PAX8: variants seen among roughly 807,000 people sequenced by gnomAD.
PAX8 encodes the protein paired box protein Pax-8.
A neutral mutation model predicts 52.4 loss-of-function variants in PAX8; 15 were observed. The ratio of observed to expected loss-of-function variants is 0.29; its 90% CI spans 0.19 to 0.44. The LOEUF (loss-of-function observed/expected upper bound fraction) is 0.44. Among genes scored for constraint, PAX8 ranks in the 20% least tolerant of loss-of-function variants. The pLI is 1.00. For synonymous variants in PAX8, 284 were observed against 249.7 expected (o/e 1.14, Z -1.29); for missense variants, 554 against 602.5 (o/e 0.92, Z 0.84).
At position 113,227,246 on chromosome 2, in the gene PAX8, C is replaced by G; in HGVS notation, c.1098G>C (p.Met366Ile). 1 of 1,609,016 alleles carries G rather than the reference C, an allele frequency of 6.2e-7. No homozygotes were observed. Among genetic ancestry groups the G allele is most frequent in the African/African-American group, 1.3e-5 (1 of 74,988 alleles). ...TGQALLSGRE[M>I]VGPTLPGYPP... ...GGTATCCGGGCAGCGTGGGCCCCAC[C>G]ATCTCTCGCCCTGGAAAAATACAGC... Residue 366 changes from methionine (M) to isoleucine (I), a missense_variant, in exon 10 of 12, where the codon ATG becomes ATC. Transcript: ENST00000429538.
chr2:113,250,802 A>G (rs1030882774), intron 2 of PAX8: 1 of 152,276 alleles, frequency 6.6e-6, no homozygotes, highest in Non-Finnish European at 1.5e-5. Context: ...TGAACAAGAC[A>G]AGAATCCTGG....
At position 113,226,914 on chromosome 2, in the gene PAX8, A is replaced by C; in HGVS notation, c.1189+241T>G. The C allele has an allele frequency of 5.7e-6, 8 of 1,406,914 alleles. No homozygotes were observed. In the South Asian group the frequency reaches 1.1e-4, roughly 20 times the overall value. 87.2% of individuals were successfully genotyped at this position (1,406,914 alleles called of 1,614,324 possible). ...CTCAGCCCCTCCCTTTTCATCATGGAGGGTAATGTAGCAGGCCTGGGAAGA... is the reference window on the plus strand; with the variant it reads ...CTCAGCCCCTCCCTTTTCATCATGGCGGGTAATGTAGCAGGCCTGGGAAGA... On this transcript the variant is annotated intron_variant, in intron 10 of 11. Coordinates refer to ENST00000429538, the MANE Select transcript of PAX8 (RefSeq NM_003466.4).
rs539430071 is a variant in PAX8 at position 113,278,308 on chromosome 2, G to C, written c.25+62C>G. The stretch of plus-strand genomic sequence containing the variant: ...ACGCTCTCGAGATCCAACCACCCGA[G>C]CGCACGCACGGACGCTCAGCGGCGC... On this transcript the variant is annotated intron_variant, in intron 2 of 11. Coordinates refer to ENST00000429538, the MANE Select transcript of PAX8 (RefSeq NM_003466.4). The C allele has an allele frequency of 3.1e-6, 4 of 1,304,120 alleles. No homozygotes were observed. In the East Asian group the frequency reaches 9.4e-5, roughly 31 times the overall value. The allele number at this position is 1,304,120 out of a possible 1,614,324, so 80.8% of individuals were successfully genotyped here. A position where few individuals can be genotyped will look rare whatever the true frequency, so the allele number is the denominator to read the frequency against.
chr2:113,275,315 A>G (rs1693724985), intron 2 of PAX8: 1 of 152,208 alleles, frequency 6.6e-6, no homozygotes, highest in Non-Finnish European at 1.5e-5. Context: ...GTGGGGGGGA[A>G]CCATCTTGAA....
intron 2 of PAX8, chr2:113,273,484 T>G (rs1036697770): frequency 6.6e-6 from 1 of 152,220 alleles, no homozygotes; most frequent in African/African-American, 2.4e-5. Context: ...TGGGAATCCT[T>G]TCCTTTGCAT....
At chr2:113,263,550 G>T (rs1692841262) in intron 2 of PAX8, 1 of 152,168 alleles carries the variant, frequency 6.6e-6, no homozygotes, top group Non-Finnish European at 1.5e-5. Flanking sequence ...GGTAGGTGGG[G>T]CTGGCACTTT....
At chr2:113,266,201 C>T (rs911925052) in intron 2 of PAX8, 2 of 152,130 alleles carry the variant, frequency 1.3e-5, no homozygotes, top group African/African-American at 4.8e-5. Flanking sequence ...GAGAGAAAGA[C>T]AAAAGAAATC....
chr2:113,275,958 G>C (rs1296235829), intron 2 of PAX8: 1 of 152,238 alleles, frequency 6.6e-6, no homozygotes, highest in East Asian at 1.9e-4. Context: ...CGCGCGGGGA[G>C]GTTTTCTCGA....
Position 113,240,986 on chromosome 2 carries a change from C to T in PAX8, c.777+565G>A. 5 of 195,120 alleles carry T rather than the reference C, an allele frequency of 2.6e-5. No homozygotes were observed. In the South Asian group the frequency reaches 4.8e-4, roughly 19 times the overall value. The allele number at this position is 195,120 out of a possible 1,614,324, so 12.1% of individuals were successfully genotyped here. A position where few individuals can be genotyped will look rare whatever the true frequency, so the allele number is the denominator to read the frequency against. ...TTCATGTCGGAGGGGCAGGGGAGGA[C>T]TGACGGAGAGGGTGATGTTTGGCTG... On this transcript the variant is annotated intron_variant, in intron 7 of 11. Coordinates refer to ENST00000429538, the MANE Select transcript of PAX8 (RefSeq NM_003466.4).
In PAX8 at chr2:113,235,416, G is replaced by A. The variant is rs776240279; in HGVS notation, c.1065C>T (p.Phe355=). 1 of 1,595,392 alleles carries A rather than the reference G, an allele frequency of 6.3e-7. No individual in the cohort carries two copies. The highest frequency in any genetic ancestry group is 2.3e-5 in the East Asian group (1 of 43,952). ...FPHAASVYGQ[F]TGQALLSGRE... ...TACCTGAGAGGAGGGCCTGGCCCGT[G>A]AACTGCCCGTACACGGAGGCAGCAT... The change falls in exon 9 of 12, where the codon TTC becomes TTT. Residue 355 remains phenylalanine, a synonymous_variant. Coordinates refer to ENST00000429538, the MANE Select transcript of PAX8 (RefSeq NM_003466.4).
intron 2 of PAX8, chr2:113,250,840 G>A (rs1691705662): frequency 6.6e-6 from 1 of 152,204 alleles, no homozygotes; most frequent in Non-Finnish European, 1.5e-5. Context: ...ACCTTTTGGG[G>A]GATATGATAA....
chr2:113,242,842 A>G, intron 4 of PAX8, 64 bp from the exon 5 acceptor site: 1 of 1,318,110 alleles, frequency 7.6e-7, no homozygotes, highest in South Asian at 1.2e-5. Flanking sequence ...TGGCTGCCCC[A>G]GACCCAGTCG....
chr2:113,220,803 T>A (rs1689236019), intron 10 of PAX8, among the ~76,000 whole-genome samples: 1 of 152,216 alleles, frequency 6.6e-6, no homozygotes, highest in Admixed American at 6.5e-5. Flanking sequence ...CAGGAAGCTG[T>A]GTCCTGGGAC....
chr2:113,278,785 C>G, intron 1 of PAX8, 46 bp downstream of exon 1: 1 of 925,950 alleles, frequency 1.1e-6, no homozygotes, highest in Non-Finnish European at 1.4e-6. Context: ...TTCCATCCCC[C>G]GTCCTCACTG....
intron 9 of PAX8, 59 bp downstream of exon 9, chr2:113,235,335 G>C: frequency 1.4e-6 from 2 of 1,438,604 alleles, no homozygotes; most frequent in East Asian, 5.0e-5. Flanking sequence ...GGTCTGCCCT[G>C]AGGACCCCCG....
At chr2:113,232,809 C>T (rs116487182) in intron 9 of PAX8, among the ~76,000 whole-genome samples, 37 of 152,246 alleles carry the variant, frequency 2.4e-4, no homozygotes, top group African/African-American at 8.9e-4. Context: ...CATCTATCCA[C>T]TTCCAGCTGC....
intron 9 of PAX8, among the ~76,000 whole-genome samples, chr2:113,234,468 G>A (rs1028169544): frequency 6.6e-6 from 1 of 152,200 alleles, no homozygotes; most frequent in African/African-American, 2.4e-5. Flanking sequence ...CAGCATAAGA[G>A]GTTTGATCTA....
intron 9 of PAX8, among the ~76,000 whole-genome samples, chr2:113,230,887 A>C (rs2104442078): frequency 6.6e-6 from 1 of 152,222 alleles, no homozygotes; most frequent in East Asian, 1.9e-4. Context: ...TCTACACCCA[A>C]ATTTCTTTCC....
At chr2:113,278,543 C>T in intron 1 of PAX8, 74 bp from the exon 2 acceptor site, 1 of 1,286,930 alleles carries the variant, frequency 7.8e-7, no homozygotes, top group Non-Finnish European at 1.1e-6. Context: ...CCTCCCCAGG[C>T]CTCATCCTTT....
Sources: gnomAD v4.1 joint callset for allele counts (sites outside exome capture counted in the v4.1 genomes callset) on GRCh38, gnomAD v4.1.1 for gene constraint, MANE v1.5 for transcripts, NCBI Gene and HGNC (gene_info 2026-07-23, HGNC 2026-07-21) for gene names.